Variants in NECTIN3 observed in about 807,000 individuals in gnomAD.
NECTIN3 encodes the protein nectin-3.
In NECTIN3, 8 loss-of-function variants were observed where a neutral mutation model predicts 49.4. That is an observed-to-expected ratio of 0.16 (90% CI 0.10 to 0.29). The LOEUF (loss-of-function observed/expected upper bound fraction) is 0.29. Among genes scored for constraint, NECTIN3 ranks in the 10% least tolerant of loss-of-function variants. The pLI is 1.00. For synonymous variants in NECTIN3, 277 were observed against 241.1 expected (o/e 1.15, Z -1.38); for missense variants, 581 against 654.6 (o/e 0.89, Z 1.23).
intron 7 of NECTIN3, among the ~76,000 whole-genome samples, chr3:111,178,291 C>G (rs963252059): frequency 3.3e-5 from 5 of 152,146 alleles, no homozygotes; most frequent in African/African-American, 1.2e-4. Flanking sequence ...GAAAAGTTAG[C>G]CATGAGGACT....
rs1255464666 is a variant in NECTIN3 at position 111,118,705 on chromosome 3, A to C, written c.552A>C (p.Gly184=). Reference sequence around the variant, plus strand: ...AAGGGCCAGATTCTTTAATTGATGGAGGAAATGAAACAGTAGCAGCCATTT... The same window carrying C: ...AAGGGCCAGATTCTTTAATTGATGGCGGAAATGAAACAGTAGCAGCCATTT... ...LIKGPDSLID[G]GNETVAAICI... is the part of the protein sequence containing the mutation. The change falls in exon 3 of 6, where the codon GGA becomes GGC. Residue 184 remains glycine, a synonymous_variant. Transcript: ENST00000485303. 1.2e-6 allele frequency: 2 copies of C among 1,613,444 alleles called. No individual in the cohort carries two copies. Among genetic ancestry groups the C allele is most frequent in the Middle Eastern group, 1.6e-4 (1 of 6,062 alleles).
In NECTIN3 at chr3:111,072,612, C is replaced by G. The variant is rs1311451810; in HGVS notation, c.160+435C>G. The stretch of plus-strand genomic sequence containing the variant: ...GGGACCGGAGCCCGATGGAATGAAG[C>G]CTCCGGGTCCACTTCTCATGGCCTT... On this transcript the variant is annotated intron_variant, in intron 1 of 5. Coordinates refer to ENST00000485303, the MANE Select transcript of NECTIN3 (RefSeq NM_015480.3). The G allele has an allele frequency of 4.0e-6, 6 of 1,517,044 alleles. No individual in the cohort carries two copies. In the African/African-American group the frequency reaches 8.3e-5, roughly 21 times the overall value. 94.0% of individuals were successfully genotyped at this position (1,517,044 alleles called of 1,614,324 possible).
chr3:111,144,532 C>T (rs2034828298), intron 5 of NECTIN3, among the ~76,000 whole-genome samples: 2 of 151,548 alleles, frequency 1.3e-5, no homozygotes, highest in African/African-American at 4.8e-5. Flanking sequence ...TATTACTGGT[C>T]GTTTATATTA....
chr3:111,143,520 TAAAC>T (rs1458559797), intron 5 of NECTIN3, among the ~76,000 whole-genome samples: 1 of 151,972 alleles, frequency 6.6e-6, no homozygotes, highest in Non-Finnish European at 1.5e-5. Context: ...TACCCACATT[TAAAC>T]AAAAACAATT....
chr3:111,119,697 C>T (rs1056137252), intron 3 of NECTIN3, among the ~76,000 whole-genome samples: 4 of 152,124 alleles, frequency 2.6e-5, no homozygotes, highest in Non-Finnish European at 4.4e-5. Context: ...TTAATACATT[C>T]TTTGTGATTT....
chr3:111,096,627 C>T (rs1416810764), intron 1 of NECTIN3, among the ~76,000 whole-genome samples: 1 of 152,158 alleles, frequency 6.6e-6, no homozygotes, highest in Non-Finnish European at 1.5e-5. Context: ...GGTCCCTCTG[C>T]TGTATGCAGT....
At chr3:111,147,386 T>C in intron 6 of NECTIN3, 1 of 1,490,364 alleles carries the variant, frequency 6.7e-7, no homozygotes, top group Non-Finnish European at 9.0e-7. Flanking sequence ...TCACATATTT[T>C]AACCTTTGCA....
At chr3:111,131,272 T>TTA (rs2034378656) in intron 5 of NECTIN3, among the ~76,000 whole-genome samples, 1 of 151,998 alleles carries the variant, frequency 6.6e-6, no homozygotes, top group Admixed American at 6.5e-5. Flanking sequence ...ATTATATCCA[T>TTA]TATATACTCA....
At chr3:111,100,346 A>C (rs1316809830) in intron 1 of NECTIN3, among the ~76,000 whole-genome samples, 1 of 152,182 alleles carries the variant, frequency 6.6e-6, no homozygotes, top group African/African-American at 2.4e-5. Context: ...CCAAAATTTG[A>C]AACTTTCCAT....
At chr3:111,141,609 G>A (rs1340036800), downstream of NECTIN3, among the ~76,000 whole-genome samples, 1 of 151,706 alleles carries the variant, frequency 6.6e-6, no homozygotes, top group African/African-American at 2.4e-5. Flanking sequence ...TTTTAATTAG[G>A]TGTGTCAGTA....
chr3:111,091,893 GCT>G, intron 1 of NECTIN3, among the ~76,000 whole-genome samples: 3 of 152,260 alleles, frequency 2.0e-5, no homozygotes, highest in Admixed American at 2.0e-4. Flanking sequence ...TTCCAAAGGG[GCT>G]ATACCATTTT....
At chr3:111,167,403 G>A (rs987076637) in intron 7 of NECTIN3, among the ~76,000 whole-genome samples, 2 of 152,108 alleles carry the variant, frequency 1.3e-5, no homozygotes, top group East Asian at 3.9e-4. Context: ...CTAATATTGA[G>A]AGTTGTAATA....
chr3:111,103,713 C>A (rs528852748), intron 1 of NECTIN3, among the ~76,000 whole-genome samples: 1 of 151,970 alleles, frequency 6.6e-6, no homozygotes, highest in Non-Finnish European at 1.5e-5. Flanking sequence ...GAGGGGAAAT[C>A]CTTGCCTATT....
chr3:111,089,427 G>GTGTA (rs757083820), intron 1 of NECTIN3, among the ~76,000 whole-genome samples: 1 of 150,538 alleles, frequency 6.6e-6, no homozygotes, highest in African/African-American at 2.5e-5. Context: ...GTGTGTGTGT[G>GTGTA]TGTATGTATA....
At chr3:111,105,136 CTTTTTTCTTTTTTCT>C (rs1304492496) in intron 1 of NECTIN3, among the ~76,000 whole-genome samples, 6 of 101,344 alleles carry the variant, frequency 5.9e-5, no homozygotes, top group South Asian at 5.0e-4. Context: ...TCTTTTTTTT[CTTTTTTCTTTTTTCT>C]TTTTTTTTTG....
At position 111,118,780 on chromosome 3, in the gene NECTIN3, T is replaced by A; in HGVS notation, c.627T>A (p.Asp209Glu). The A allele has an allele frequency of 6.2e-7, 1 of 1,614,128 alleles. No individual in the cohort carries two copies. The highest frequency in any genetic ancestry group is 2.2e-5 in the East Asian group (1 of 44,864). ...TTGCACATATTGACTGGGAAGGTGA[T>A]CTTGGTGAAATGGAATCCACTACAA... ...KPVAHIDWEG[D>E]LGEMESTTTS... The change falls in exon 3 of 6, where the codon GAT becomes GAA. Residue 209 changes from aspartate to glutamate, a missense_variant. Asp to Glu is a conservative substitution (Grantham distance 45, BLOSUM62 2). Coordinates refer to ENST00000485303, the MANE Select transcript of NECTIN3 (RefSeq NM_015480.3).
chr3:111,147,300 T>G, intron 6 of NECTIN3: 2 of 845,904 alleles, frequency 2.4e-6, no homozygotes, highest in Non-Finnish European at 3.6e-6. Context: ...ATCTATATAA[T>G]ATGAGGAAAA....
At chr3:111,190,814 T>A (rs2035801148), upstream of NECTIN3, among the ~76,000 whole-genome samples, 1 of 152,194 alleles carries the variant, frequency 6.6e-6, no homozygotes, top group South Asian at 2.1e-4. Context: ...CACTACTTAC[T>A]GGAGTTGAAA....
In NECTIN3 at chr3:111,135,335, G is replaced by T; in HGVS notation, c.*1120G>T. ...ATCTCCTTTTTCCTCCTAAGTGTATGTATGTGTTTTAAGATTTCTGTTTTT... is the reference window on the plus strand; with the variant it reads ...ATCTCCTTTTTCCTCCTAAGTGTATTTATGTGTTTTAAGATTTCTGTTTTT... On this transcript the variant is annotated 3_prime_UTR_variant, in exon 6 of 6. Transcript: ENST00000485303. The T allele has an allele frequency of 1.1e-6, 1 of 944,686 alleles. No homozygotes were observed. Among genetic ancestry groups the T allele is most frequent in the Non-Finnish European group, 1.3e-6 (1 of 793,216 alleles). 58.5% of individuals were successfully genotyped at this position (944,686 alleles called of 1,614,324 possible).
Sources: gnomAD v4.1 joint callset for allele counts (sites outside exome capture counted in the v4.1 genomes callset) on GRCh38, gnomAD v4.1.1 for gene constraint, MANE v1.5 for transcripts, NCBI Gene and HGNC (gene_info 2026-07-23, HGNC 2026-07-21) for gene names.